Variants in DOCK6 observed in about 807,000 individuals in gnomAD.
DOCK6 encodes the protein dedicator of cytokinesis protein 6.
Under a neutral mutation model 230.3 loss-of-function variants are expected in DOCK6, and 167 were observed. That is an observed-to-expected ratio of 0.73 (90% CI 0.64 to 0.82). The LOEUF (loss-of-function observed/expected upper bound fraction) is 0.82. Among genes scored for constraint, DOCK6 ranks in the 40% least tolerant of loss-of-function variants. The pLI, the probability that DOCK6 is intolerant of heterozygous loss-of-function variation, is 0.00. For missense variants in DOCK6, 2,598 were observed against 2,825.8 expected (o/e 0.92, Z 1.83); for synonymous variants, 1,148 against 1,185.0 (o/e 0.97, Z 0.64).
Position 11,245,799 on chromosome 19 carries a change from A to C in DOCK6, c.873+13T>G. On this transcript the variant is annotated intron_variant, in intron 8 of 47. Coordinates refer to ENST00000294618, the MANE Select transcript of DOCK6 (RefSeq NM_020812.4). ...AGAAGGAAGGGGAGGAAAGAGAAAA[A>C]AGGGCCTCCTACCTTCTTTTTCTCC... The C allele has an allele frequency of 6.3e-7, 1 of 1,584,650 alleles. No individual in the cohort carries two copies. Among genetic ancestry groups the C allele is most frequent in the South Asian group, 1.2e-5 (1 of 86,924 alleles).
At chr19:11,240,338 T>G in intron 14 of DOCK6, 1 of 1,494,330 alleles carries the variant, frequency 6.7e-7, no homozygotes, top group South Asian at 1.3e-5. Flanking sequence ...GACCCTGATT[T>G]CCGGCCAGAA....
rs2079148739 is a variant in DOCK6 at position 11,200,384 on chromosome 19, G to A, written c.6025C>T (p.Arg2009Cys). The A allele has an allele frequency of 1.9e-6, 3 of 1,603,376 alleles. No homozygotes were observed. The highest frequency in any genetic ancestry group is 2.6e-6 in the Non-Finnish European group (3 of 1,175,364). The change falls in exon 47 of 48, where the codon CGC becomes TGC. Residue 2009 changes from arginine (R) to cysteine (C), a missense_variant. Transcript: ENST00000294618. The surrounding 1 kb of genome is among the most constrained non-coding windows in gnomAD (Gnocchi z 4.3). ...AGGGGCTGCAGAGCCTCCCGCAGGC[G>A]GCAGTAGTTGCGCTCCAGCTCACGG... ...YHRELERNYC[R>C]LREALQPLLT...
At chr19:11,252,032 G>A in intron 5 of DOCK6, 87 bp downstream of exon 5, 1 of 1,542,164 alleles carries the variant, frequency 6.5e-7, no homozygotes, top group Non-Finnish European at 8.8e-7. Flanking sequence ...AGGCTGTTTG[G>A]GTCATTTCCT....
At position 11,215,946 on chromosome 19, in the gene DOCK6, G is replaced by T; in HGVS notation, c.3895-19C>A. ...TTTTCCCCTGGGGGTGCAGAGAACT[G>T]GGGTTCCAGGCTGACTCTGCTCTTT... is the stretch of plus-strand genomic sequence containing the variant. On this transcript the variant is annotated intron_variant, in intron 30 of 47. Coordinates refer to ENST00000294618, the MANE Select transcript of DOCK6 (RefSeq NM_020812.4). The T allele has an allele frequency of 1.9e-6, 3 of 1,613,540 alleles. No individual in the cohort carries two copies. The highest frequency in any genetic ancestry group is 2.5e-6 in the Non-Finnish European group (3 of 1,179,642).
At position 11,201,699 on chromosome 19, in the gene DOCK6, C is replaced by CTCCCTG. The variant is rs1401369468; in HGVS notation, c.5688+184_5688+189dup. Among the ~76,000 whole-genome samples the CTCCCTG allele has an allele frequency of 2.6e-5, 4 of 151,764 alleles. No homozygotes were observed. Among genetic ancestry groups the CTCCCTG allele is most frequent in the Non-Finnish European group, 4.4e-5 (3 of 67,882 alleles). On this transcript the variant is annotated intron_variant, in intron 44 of 47. Transcript: ENST00000294618. This position sits in a 1 kb window ranked among gnomAD's most constrained non-coding sequence, Gnocchi z 4.3. ...GGTCCCTGCATCTTGCCTCCCAGGT[C>CTCCCTG]TCCCTGGGTCTGGTCTCCTCCCCTC...
At position 11,245,851 on chromosome 19, in the gene DOCK6, A is replaced by T; in HGVS notation, c.834T>A (p.Phe278Leu). ...GCACATCATACAGAGCCAAGATCCC[A>T]AAGATGGGCTCAATTTCAATCTCGA... ...LKFEIEIEPIFGILALYDVRE... is the reference protein window; with the variant it reads ...LKFEIEIEPILGILALYDVRE... Residue 278 changes from phenylalanine (F) to leucine (L), a missense_variant, in exon 8 of 48, where the codon TTT becomes TTA. By Grantham distance (22) the Phe-to-Leu change is conservative. Coordinates refer to ENST00000294618, the MANE Select transcript of DOCK6 (RefSeq NM_020812.4). The T allele has an allele frequency of 6.4e-7, 1 of 1,569,678 alleles. No individual in the cohort carries two copies. The highest frequency in any genetic ancestry group is 8.6e-7 in the Non-Finnish European group (1 of 1,156,914).
In DOCK6 at chr19:11,245,606, A is replaced by C; in HGVS notation, c.980T>G (p.Phe327Cys). The C allele has an allele frequency of 6.3e-7, 1 of 1,579,658 alleles. No individual in the cohort carries two copies. Among genetic ancestry groups the C allele is most frequent in the Non-Finnish European group, 8.6e-7 (1 of 1,162,828 alleles). ...AISTLARSAI[F>C]SVTYPSPDIF... ...GTCAGGTGAGGGGTAGGTCACAGAG[A>C]AGATGGCAGAGCGGGCCAGGGTGGA... Residue 327 changes from phenylalanine (F) to cysteine (C), a missense_variant, in exon 9 of 48, where the codon TTC becomes TGC. Phe to Cys is a radical substitution (Grantham distance 205, BLOSUM62 -2). Coordinates refer to ENST00000294618, the MANE Select transcript of DOCK6 (RefSeq NM_020812.4).
intron 20 of DOCK6, chr19:11,235,975 G>A: frequency 5.3e-6 from 3 of 569,884 alleles, no homozygotes; most frequent in Non-Finnish European, 8.5e-6. Context: ...CCGCCTCCCA[G>A]GTTCAAGCAA....
Position 11,222,135 on chromosome 19 carries a change from T to C in DOCK6, c.3354A>G (p.Ala1118=), listed in dbSNP as rs1486969575. The C allele has an allele frequency of 6.2e-7, 1 of 1,613,046 alleles. No individual in the cohort carries two copies. Among genetic ancestry groups the C allele is most frequent in the African/African-American group, 1.3e-5 (1 of 74,988 alleles). The change falls in exon 27 of 48, where the codon GCA becomes GCG. Residue 1118 remains alanine (A), a synonymous_variant. Coordinates refer to ENST00000294618, the MANE Select transcript of DOCK6 (RefSeq NM_020812.4). The surrounding 1 kb of genome is among the most constrained non-coding windows in gnomAD (Gnocchi z 4.0). The part of the protein sequence containing the change: ...FLAGLLLTEL[A]LALEPEAEGA... ...CTTCAGCCTCAGGTTCGAGGGCCAG[T>C]GCCAGCTCCGTCAGCAGGAGCCCAG...
At position 11,224,190 on chromosome 19, in the gene DOCK6, T is replaced by TTTTCTTTCTTTCTTTCTTTCTTTCTTTC. The variant is rs199688091; in HGVS notation, c.2956-1085_2956-1084insGAAAGAAAGAAAGAAAGAAAGAAAGAAA. Among the ~76,000 whole-genome samples the TTTTCTTTCTTTCTTTCTTTCTTTCTTTC allele has an allele frequency of 7.7e-3, 1,122 of 146,376 alleles. 19 individuals are homozygous for TTTTCTTTCTTTCTTTCTTTCTTTCTTTC. Among genetic ancestry groups the TTTTCTTTCTTTCTTTCTTTCTTTCTTTC allele is most frequent in the East Asian group, 0.035 (172 of 4,898 alleles). ...TTTCAATGGCAAAAACTGTAATTAC[T>TTTTCTTTCTTTCTTTCTTTCTTTCTTTC]TTTCTTTCTTTCTTTCTTTCTTTCT... On this transcript the variant is annotated intron_variant, in intron 24 of 47. Transcript: ENST00000294618.
In DOCK6 at chr19:11,201,235, T is replaced by C. The variant is rs2147692559; in HGVS notation, c.5689-183A>G. Among the ~76,000 whole-genome samples, 1 of 152,106 alleles carries C rather than the reference T, an allele frequency of 6.6e-6. No individual in the cohort carries two copies. The highest frequency in any genetic ancestry group is 2.4e-5 in the African/African-American group (1 of 41,492). On this transcript the variant is annotated intron_variant, in intron 44 of 47. Transcript: ENST00000294618. The surrounding 1 kb of genome is among the most constrained non-coding windows in gnomAD (Gnocchi z 4.3). The stretch of plus-strand genomic sequence containing the variant: ...GGTCCAGCCTTGGGTCTGCTGGGTC[T>C]GGTGCCCTGGGGTCCAGGGGCTTTA...
At chr19:11,220,385 C>A (rs1038258224) in intron 28 of DOCK6, among the ~76,000 whole-genome samples, 2 of 152,090 alleles carry the variant, frequency 1.3e-5, no homozygotes, top group Admixed American at 1.3e-4. Flanking sequence ...CAGATCTTGC[C>A]CTAGAGTCTC....
At chr19:11,249,822 C>T (rs193096095) in intron 6 of DOCK6, among the ~76,000 whole-genome samples, 5 of 121,414 alleles carry the variant, frequency 4.1e-5, no homozygotes, top group Admixed American at 2.1e-4. Context: ...GGCGTGAACC[C>T]GGGAGGCGGA....
chr19:11,229,084 G>C, intron 22 of DOCK6, 49 bp from the exon 23 acceptor site: 1 of 1,555,970 alleles, frequency 6.4e-7, no homozygotes, highest in Non-Finnish European at 8.8e-7. Flanking sequence ...ACCCCTTCCC[G>C]TACCCCCTCT....
chr19:11,243,265 A>C lies in DOCK6; in HGVS notation c.1379T>G (p.Phe460Cys). 1 of 1,611,874 alleles carries C rather than the reference A, an allele frequency of 6.2e-7. No homozygotes were observed. The highest frequency in any genetic ancestry group is 8.5e-7 in the Non-Finnish European group (1 of 1,179,040). ...RPATLTVTNF[F>C]KQEAERLSDE... is the part of the protein sequence containing the mutation. ...GGCCCCAGGGTAGGACACCTGCTTA[A>C]AGAAGTTTGTGACAGTTAGCGTGGC... The change falls in exon 12 of 48, where the codon TTT becomes TGT. Residue 460 changes from phenylalanine to cysteine, a missense_variant. By Grantham distance (205) the Phe-to-Cys change is radical. Coordinates refer to ENST00000294618, the MANE Select transcript of DOCK6 (RefSeq NM_020812.4). This position sits in a 1 kb window ranked among gnomAD's most constrained non-coding sequence, Gnocchi z 6.3.
At position 11,202,098 on chromosome 19, in the gene DOCK6, G is replaced by T; in HGVS notation, c.5479C>A (p.Pro1827Thr). 6.2e-7 allele frequency: 1 copy of T among 1,614,008 alleles called. No individual in the cohort carries two copies. Among genetic ancestry groups the T allele is most frequent in the South Asian group, 1.1e-5 (1 of 91,078 alleles). The change falls in exon 44 of 48, where the codon CCG (proline) becomes ACG (threonine). Residue 1827 changes from proline (P) to threonine (T), a missense_variant. By Grantham distance (38) the Pro-to-Thr change is conservative. Transcript: ENST00000294618. This position sits in a 1 kb window ranked among gnomAD's most constrained non-coding sequence, Gnocchi z 5.3. ...TTGAGCTCGTAGGTATCAAAGTACG[G>T]TTCCACATACGTGATCTGGATGTAG... ...KAYIQITYVE[P>T]YFDTYELKDR...
chr19:11,231,330 G>A (rs1194548814), intron 22 of DOCK6, among the ~76,000 whole-genome samples: 1 of 128,754 alleles, frequency 7.8e-6, no homozygotes, highest in Non-Finnish European at 1.5e-5. Flanking sequence ...CTTACCCTTC[G>A]GGTCCCAGCA....
chr19:11,212,804 A>G (rs1349932514), intron 35 of DOCK6, among the ~76,000 whole-genome samples: 1 of 147,502 alleles, frequency 6.8e-6, no homozygotes, highest in East Asian at 2.0e-4. Context: ...ACTTCAAGTG[A>G]TCCACCTGCC....
intron 7 of DOCK6, chr19:11,247,114 T>C (rs2080047064): frequency 6.6e-6 from 1 of 152,256 alleles, no homozygotes; most frequent in Admixed American, 6.6e-5. Context: ...TGTTTTATTT[T>C]TGTTTCTTTG....
Sources: gnomAD v4.1 joint callset for allele counts (sites outside exome capture counted in the v4.1 genomes callset) on GRCh38, gnomAD v4.1.1 for gene constraint, Gnocchi (gnomAD v3.1) non-coding constraint, MANE v1.5 for transcripts, NCBI Gene and HGNC (gene_info 2026-07-23, HGNC 2026-07-21) for gene names.